Variants in MALRD1 observed in about 807,000 individuals in gnomAD.
MALRD1 encodes the protein MAM and LDL receptor class A domain containing 1.
Under a neutral mutation model 242.1 loss-of-function variants are expected in MALRD1, and 247 were observed. The ratio of observed to expected loss-of-function variants is 1.02; its 90% CI spans 0.92 to 1.13. The LOEUF (loss-of-function observed/expected upper bound fraction) is 1.13. Among genes scored for constraint, MALRD1 ranks in the 50% most tolerant of loss-of-function variants. The probability of loss-of-function intolerance (pLI) is 0.00; values close to 1 mark genes in which losing one functional copy is unlikely to be tolerated. For synonymous variants in MALRD1, 995 were observed against 866.6 expected (o/e 1.15, Z -2.60); for missense variants, 2,989 against 2,533.1 (o/e 1.18, Z -3.86).
At position 19,065,287 on chromosome 10, in the gene MALRD1, C is replaced by CAAAAAAAAAAAAAAA. The variant is rs1197670439; in HGVS notation, c.200-1424_200-1410dup. The stretch of plus-strand genomic sequence containing the variant: ...GGGCAACAAGAGCAAAACGCTGTCT[C>CAAAAAAAAAAAAAAA]AAAAAAAAAAAAAAAAAAAAAAGGA... On this transcript the variant is annotated intron_variant, in intron 1 of 39. Transcript: ENST00000454679. 5.3e-3 allele frequency among the ~76,000 whole-genome samples: 267 copies of CAAAAAAAAAAAAAAA among 50,608 alleles called. 9 individuals carry two copies. The highest frequency in any genetic ancestry group is 0.029 in the East Asian group (31 of 1,082). The allele number at this position is 50,608 out of a possible 152,430, so 33.2% of individuals were successfully genotyped here.
At chr10:19,125,313 C>CTTTTT (rs1564407816) in intron 7 of MALRD1, among the ~76,000 whole-genome samples, 2 of 63,218 alleles carry the variant, frequency 3.2e-5, no homozygotes, top group African/African-American at 1.6e-4. Flanking sequence ...TTCCTTCCTT[C>CTTTTT]CTTCCTTCCT....
Position 19,391,942 on chromosome 10 carries a change from C to T in MALRD1, c.4845+2333C>T, listed in dbSNP as rs139820885. ...TGGAGCCAACCCTTATTTAGGACAA[C>T]CCTTGCGAAGGGATGGCCATTGTGC... On this transcript the variant is annotated intron_variant, in intron 28 of 39. Transcript: ENST00000454679. Among the ~76,000 whole-genome samples, 525 of 152,308 alleles carry T rather than the reference C, an allele frequency of 3.4e-3. 3 individuals are homozygous for T. Among genetic ancestry groups the T allele is most frequent in the African/African-American group, 0.012 (494 of 41,574 alleles).
chr10:19,185,352 G>C (rs575022385), intron 14 of MALRD1, among the ~76,000 whole-genome samples: 1 of 151,914 alleles, frequency 6.6e-6, no homozygotes, highest in Non-Finnish European at 1.5e-5. Context: ...AGTCCAAAGT[G>C]CATGTACTAA....
chr10:19,276,601 A>G (rs1840539005), intron 19 of MALRD1, among the ~76,000 whole-genome samples: 1 of 151,992 alleles, frequency 6.6e-6, no homozygotes, highest in Non-Finnish European at 1.5e-5. Flanking sequence ...TCTGATTCAG[A>G]CTCTGTCCTT....
At chr10:19,269,694 CT>C (rs58059807) in intron 19 of MALRD1, among the ~76,000 whole-genome samples, 1 of 115,002 alleles carries the variant, frequency 8.7e-6, no homozygotes, top group African/African-American at 2.7e-5. Flanking sequence ...AGAAGAAACG[CT>C]TTTCTCATTT....
rs11817088 is a variant in MALRD1 at position 19,592,314 on chromosome 10, G to A, written c.5681-2880G>A. 3.5e-3 allele frequency among the ~76,000 whole-genome samples: 533 copies of A among 152,342 alleles called. 2 individuals are homozygous for A. The highest frequency in any genetic ancestry group is 0.013 in the African/African-American group (524 of 41,580). ...TGCAGGTGCAATAAGAGGCTCAGCC[G>A]ATACCACGGGGAGCTCTGGAGCTGC... On this transcript the variant is annotated intron_variant, in intron 33 of 39. Coordinates refer to ENST00000454679, the MANE Select transcript of MALRD1 (RefSeq NM_001142308.3).
Position 19,531,355 on chromosome 10 carries a change from CA to C in MALRD1, c.5478+8del. 2 of 1,520,178 alleles carry C rather than the reference CA, an allele frequency of 1.3e-6. No homozygotes were observed. The highest frequency in any genetic ancestry group is 1.8e-6 in the Non-Finnish European group (2 of 1,126,768). The allele number at this position is 1,520,178 out of a possible 1,614,324, so 94.2% of individuals were successfully genotyped here. Reference sequence around the variant, plus strand: ...CAGGAGTATGGGAATATTAAAGGTACAAAAGGAAGCCAGAGATTTATGATCA... The same window carrying C: ...CAGGAGTATGGGAATATTAAAGGTACAAAGGAAGCCAGAGATTTATGATCA... On this transcript the variant is annotated splice_donor_5th_base_variant and intron_variant, in intron 32 of 39. Coordinates refer to ENST00000454679, the MANE Select transcript of MALRD1 (RefSeq NM_001142308.3).
At chr10:19,664,707 TATAA>T (rs1376443956) in intron 36 of MALRD1, among the ~76,000 whole-genome samples, 1 of 151,776 alleles carries the variant, frequency 6.6e-6, no homozygotes, top group African/African-American at 2.4e-5. Context: ...ATATATTTAT[TATAA>T]ATAATTTAAA....
chr10:19,553,199 C>G (rs1346037251), intron 32 of MALRD1, among the ~76,000 whole-genome samples: 1 of 151,816 alleles, frequency 6.6e-6, no homozygotes, highest in Non-Finnish European at 1.5e-5. Context: ...TGTTAAATAA[C>G]TAAAAAAATA....
chr10:19,170,378 C>T (rs996157800), intron 13 of MALRD1, among the ~76,000 whole-genome samples: 8 of 152,154 alleles, frequency 5.3e-5, no homozygotes, highest in Non-Finnish European at 1.0e-4. Context: ...AGTTGCTCTA[C>T]TTTCTTCGAG....
At chr10:19,700,763 C>A (rs2131845745) in intron 38 of MALRD1, among the ~76,000 whole-genome samples, 1 of 152,146 alleles carries the variant, frequency 6.6e-6, no homozygotes, top group Admixed American at 6.5e-5. Context: ...ACAATTATCA[C>A]CCAAGACTTT....
intron 38 of MALRD1, among the ~76,000 whole-genome samples, chr10:19,706,052 C>T (rs985218997): frequency 1.3e-5 from 2 of 151,884 alleles, no homozygotes; most frequent in Admixed American, 1.3e-4. Context: ...ACTGGAAAGC[C>T]AGCAATTTGG....
intron 34 of MALRD1, among the ~76,000 whole-genome samples, chr10:19,602,569 T>C (rs1158141350): frequency 2.6e-5 from 4 of 152,108 alleles, no homozygotes; most frequent in African/African-American, 7.2e-5. Context: ...TGTATATGTG[T>C]CACATTTTCT....
intron 32 of MALRD1, among the ~76,000 whole-genome samples, chr10:19,558,746 G>A (rs1835834235): frequency 6.6e-6 from 1 of 152,048 alleles, no homozygotes; most frequent in African/African-American, 2.4e-5. Flanking sequence ...GTTTTGAAAG[G>A]TTATTAATAA....
intron 36 of MALRD1, among the ~76,000 whole-genome samples, chr10:19,651,475 GA>G (rs1221596726): frequency 3.9e-5 from 6 of 151,930 alleles, no homozygotes; most frequent in Non-Finnish European, 5.9e-5. Flanking sequence ...TATTTGAAGG[GA>G]AAAAAAGCAT....
At chr10:19,356,109 G>T (rs1844626347) in intron 26 of MALRD1, among the ~76,000 whole-genome samples, 1 of 151,426 alleles carries the variant, frequency 6.6e-6, no homozygotes, top group South Asian at 2.1e-4. Context: ...CTCTCCGTAA[G>T]ACCAACTACC....
At chr10:19,212,538 C>A (rs1314142963) in intron 18 of MALRD1, among the ~76,000 whole-genome samples, 1 of 152,146 alleles carries the variant, frequency 6.6e-6, no homozygotes, top group Non-Finnish European at 1.5e-5. Flanking sequence ...ATTATGAATA[C>A]ATGTGCTATG....
At chr10:19,240,818 G>C (rs1289144236) in intron 18 of MALRD1, among the ~76,000 whole-genome samples, 1 of 152,096 alleles carries the variant, frequency 6.6e-6, no homozygotes, top group Non-Finnish European at 1.5e-5. Context: ...CTGTTGAAAT[G>C]ATCACATGGT....
At chr10:19,584,061 G>A (rs188038524) in intron 33 of MALRD1, among the ~76,000 whole-genome samples, 2,145 of 150,488 alleles carry the variant, frequency 0.014, 22 homozygotes, top group East Asian at 0.036. Context: ...CTGTGGGATC[G>A]GTGGTGATAT....
Sources: gnomAD v4.1 joint callset for allele counts (sites outside exome capture counted in the v4.1 genomes callset) on GRCh38, gnomAD v4.1.1 for gene constraint, MANE v1.5 for transcripts, NCBI Gene and HGNC (gene_info 2026-07-23, HGNC 2026-07-21) for gene names.